The following EPN2 variants were observed in gnomAD, a reference collection of about 807,000 sequenced individuals.
EPN2 encodes epsin 2.
EPN2 carries 34 observed loss-of-function variants against 61.7 expected under a neutral mutation model. The ratio of observed to expected loss-of-function variants is 0.55; its 90% CI spans 0.42 to 0.73. The LOEUF (loss-of-function observed/expected upper bound fraction) is 0.73. Ranked by LOEUF, EPN2 falls within the 30% of genes least tolerant of loss-of-function variation. The pLI, the probability that EPN2 is intolerant of heterozygous loss-of-function variation, is 0.00. For synonymous variants in EPN2, 349 were observed against 353.6 expected, an observed-to-expected ratio of 0.99 and a Z score of 0.15; for missense variants, 714 against 839.2, an observed-to-expected ratio of 0.85 and a Z score of 1.84.
rs375812320 is a variant in EPN2, at chr17:19,303,339, T to G, written c.767-6546T>G. The stretch of plus-strand genomic sequence containing the variant: ...AAGTTGTCTGAAAGTGTCTTGCTGC[T>G]GATCAGCCTAATGTGAGTCCACCCC... On this transcript the variant is annotated intron_variant, in intron 4 of 10. Coordinates refer to ENST00000314728, the MANE Select transcript of EPN2 (RefSeq NM_014964.5). Among the ~76,000 whole-genome samples, 11 of 152,328 alleles carry G rather than the reference T, an allele frequency of 7.2e-5. No individual in the cohort carries two copies. The East Asian group carries it at 7.7e-4, about 11-fold the overall frequency.
chr17:19,331,152 ATCTC>A (rs1311572169), intron 9 of EPN2, among the ~76,000 whole-genome samples: 1 of 152,174 alleles, frequency 6.6e-6, no homozygotes, highest in Non-Finnish European at 1.5e-5. Flanking sequence ...TTGCTATATA[ATCTC>A]TCTTTATATG....
At chr17:19,279,469 C>T (rs1404521433) in intron 1 of EPN2, among the ~76,000 whole-genome samples, 1 of 151,178 alleles carries the variant, frequency 6.6e-6, no homozygotes, top group Non-Finnish European at 1.5e-5. Context: ...GACAGAGTCT[C>T]ACTGTGTCAC....
In EPN2 at chr17:19,335,453, G is replaced by A; in HGVS notation, c.*1199G>A. The A allele has an allele frequency of 6.5e-7, 1 of 1,550,038 alleles. No homozygotes were observed. The highest frequency in any genetic ancestry group is 1.2e-5 in the South Asian group (1 of 83,986). ...CTGTTTACAATGGAAATCTGAAATG[G>A]AAGAAACATCTTTAACCTTGTGTGT... On this transcript the variant is annotated 3_prime_UTR_variant, in exon 11 of 11. Coordinates refer to ENST00000314728, the MANE Select transcript of EPN2 (RefSeq NM_014964.5).
intron 7 of EPN2, among the ~76,000 whole-genome samples, chr17:19,327,834 G>A (rs1388228338): frequency 6.6e-6 from 1 of 152,198 alleles, no homozygotes; most frequent in Non-Finnish European, 1.5e-5. Flanking sequence ...ATAATGGTTG[G>A]GGTAGGAATG....
chr17:19,250,664 C>T (rs953585575), intron 1 of EPN2, among the ~76,000 whole-genome samples: 2 of 152,226 alleles, frequency 1.3e-5, no homozygotes, highest in South Asian at 2.1e-4. Context: ...TTGGGGCTTG[C>T]GGGTGCCAGT....
chr17:19,290,720 A>AAAAAAAAAAAAAG lies in EPN2; in HGVS notation c.766+4935_766+4936insAAAAAAAGAAAAA, dbSNP rs1555600084. On this transcript the variant is annotated intron_variant, in intron 4 of 10. Transcript: ENST00000314728. The stretch of plus-strand genomic sequence containing the variant: ...GTTCTCAAAAAAAAAAAAAAAGAAA[A>AAAAAAAAAAAAAG]AAAAAGAAAAAGGAAGGCAGGCAGA... Among the ~76,000 whole-genome samples, 13 of 105,568 alleles carry AAAAAAAAAAAAAG rather than the reference A, an allele frequency of 1.2e-4. 2 individuals carry two copies. Among genetic ancestry groups the AAAAAAAAAAAAAG allele is most frequent in the Non-Finnish European group, 1.6e-4 (8 of 51,564 alleles). 69.3% of individuals were successfully genotyped at this position (105,568 alleles called of 152,430 possible). A position where few individuals can be genotyped will look rare whatever the true frequency, so the allele number is the denominator to read the frequency against.
chr17:19,245,556 C>T (rs1305941424), intron 1 of EPN2, among the ~76,000 whole-genome samples: 1 of 151,854 alleles, frequency 6.6e-6, no homozygotes, highest in African/African-American at 2.4e-5. Context: ...CCTGCCTCAG[C>T]CTCCCGAGTA....
rs1220064487 is a variant in EPN2 at position 19,283,448 on chromosome 17, A to G, written c.329A>G (p.Gln110Arg). 6.2e-7 allele frequency: 1 copy of G among 1,614,110 alleles called. No individual in the cohort carries two copies. The highest frequency in any genetic ancestry group is 8.5e-7 in the Non-Finnish European group (1 of 1,180,046). ...GCCATCCAGACCCTGAAGGACTTCCAGTACATTGACCGAGATGGCAAGGAC... is the reference window on the plus strand; with the variant it reads ...GCCATCCAGACCCTGAAGGACTTCCGGTACATTGACCGAGATGGCAAGGAC... ...IFAIQTLKDF[Q>R]YIDRDGKDQG... Residue 110 changes from glutamine to arginine, a missense_variant, in exon 3 of 11, where the codon CAG becomes CGG. Physicochemically the swap from Gln to Arg is conservative, Grantham distance 43 (BLOSUM62 1). This residue lies in a region of EPN2 where 304 missense variants were observed against 417.4 expected (regional missense o/e 0.73). Transcript: ENST00000314728. This position sits in a 1 kb window ranked among gnomAD's most constrained non-coding sequence, Gnocchi z 7.0.
intron 1 of EPN2, among the ~76,000 whole-genome samples, chr17:19,269,962 G>A (rs73982650): frequency 0.012 from 1,835 of 152,256 alleles, 29 homozygotes; most frequent in African/African-American, 0.04. Flanking sequence ...TTGTTCTTAC[G>A]ATTTTGAGCA....
intron 1 of EPN2, chr17:19,280,072 C>G (rs2045346102): frequency 6.6e-6 from 1 of 152,186 alleles, no homozygotes; most frequent in Non-Finnish European, 1.5e-5. Flanking sequence ...CTCCTGAGCT[C>G]AGGCAGTCTA....
intron 1 of EPN2, among the ~76,000 whole-genome samples, chr17:19,244,287 C>G (rs1165766943): frequency 6.6e-6 from 1 of 152,096 alleles, no homozygotes; most frequent in African/African-American, 2.4e-5. Flanking sequence ...GGCGAAACCC[C>G]ATTTCTACTA....
chr17:19,264,599 A>G (rs1404236144), intron 1 of EPN2, among the ~76,000 whole-genome samples: 2 of 152,224 alleles, frequency 1.3e-5, no homozygotes, highest in Non-Finnish European at 2.9e-5. Context: ...TGATCTTTTC[A>G]TTCTGCCAGG....
chr17:19,321,767 T>G (rs1906648443), intron 7 of EPN2, among the ~76,000 whole-genome samples: 1 of 151,968 alleles, frequency 6.6e-6, no homozygotes, highest in Non-Finnish European at 1.5e-5. Context: ...GCATGTTGAC[T>G]CCCCCAGGCT....
At chr17:19,252,105 T>C (rs1659290907) in intron 1 of EPN2, among the ~76,000 whole-genome samples, 1 of 152,016 alleles carries the variant, frequency 6.6e-6, no homozygotes, top group African/African-American at 2.4e-5. Context: ...TTTTGGAACA[T>C]TTTGGATTTT....
intron 4 of EPN2, among the ~76,000 whole-genome samples, chr17:19,289,724 G>GTTTTGTTTTTTTTTGTTTTT (rs772230550): frequency 1.3e-5 from 1 of 78,028 alleles, no homozygotes; most frequent in Non-Finnish European, 2.3e-5. Context: ...GGCGCTCATG[G>GTTTTGTTTTTTTTTGTTTTT]TTTTTTTTTT....
At chr17:19,248,139 A>G (rs770514836) in intron 1 of EPN2, among the ~76,000 whole-genome samples, 12 of 152,146 alleles carry the variant, frequency 7.9e-5, no homozygotes, top group Non-Finnish European at 1.6e-4. Flanking sequence ...CCTTTGAAGT[A>G]ATGTGGTGCG....
chr17:19,257,346 C>T (rs892079786), intron 1 of EPN2, among the ~76,000 whole-genome samples: 15 of 152,054 alleles, frequency 9.9e-5, no homozygotes, highest in African/African-American at 3.4e-4. Flanking sequence ...GTGCTAGGTC[C>T]CATGGAGATT....
chr17:19,263,338 C>CTCAT (rs2045163872), intron 1 of EPN2, among the ~76,000 whole-genome samples: 1 of 152,132 alleles, frequency 6.6e-6, no homozygotes, highest in Non-Finnish European at 1.5e-5. Context: ...CCCTGGGGCC[C>CTCAT]ATGAGAGTGG....
chr17:19,331,328 G>C (rs979416786), intron 9 of EPN2, among the ~76,000 whole-genome samples: 3 of 152,132 alleles, frequency 2.0e-5, no homozygotes, highest in African/African-American at 7.2e-5. Flanking sequence ...TACTAAGTGA[G>C]AGAATGACTG....
Sources: allele counts gnomAD v4.1 joint callset (sites outside exome capture counted in the v4.1 genomes callset), GRCh38; gene constraint gnomAD v4.1.1; regional missense constraint gnomAD v4.1.1; non-coding constraint Gnocchi (gnomAD v3.1); transcripts MANE v1.5; gene names NCBI Gene and HGNC (gene_info 2026-07-23, HGNC 2026-07-21).